The following DRAM1 variants were observed in gnomAD, a reference collection of about 807,000 sequenced individuals.
DRAM1 encodes DNA damage-regulated autophagy modulator protein 1.
Under a neutral mutation model 28.5 loss-of-function variants are expected in DRAM1, and 25 were observed. That is an observed-to-expected ratio of 0.88 (90% CI 0.64 to 1.23). DRAM1 has a LOEUF of 1.23. Among genes scored for constraint, DRAM1 ranks in the 50% most tolerant of loss-of-function variants. The pLI, the probability that DRAM1 is intolerant of heterozygous loss-of-function variation, is 0.00. For missense variants in DRAM1, 249 were observed against 299.2 expected (o/e 0.83, Z 1.24); for synonymous variants, 113 against 114.2 (o/e 0.99, Z 0.07).
At chr12:101,881,783 A>G (rs1872695256) in intron 1 of DRAM1, among the ~76,000 whole-genome samples, 1 of 152,162 alleles carries the variant, frequency 6.6e-6, no homozygotes, top group African/African-American at 2.4e-5. Context: ...GCACCTGACC[A>G]CTACTGGTCT....
chr12:101,914,502 A>G (rs1057180175), intron 5 of DRAM1, among the ~76,000 whole-genome samples: 12 of 107,002 alleles, frequency 1.1e-4, no homozygotes, highest in African/African-American at 5.7e-4. Context: ...TTTTTTTTTG[A>G]GACAGAGTCT....
chr12:101,901,393 T>G lies in DRAM1; in HGVS notation c.302T>G (p.Leu101Trp), dbSNP rs766184945. The G allele has an allele frequency of 1.4e-5, 22 of 1,614,000 alleles. No individual in the cohort carries two copies. The highest frequency in any genetic ancestry group is 1.8e-5 in the Non-Finnish European group (21 of 1,180,022). Reference sequence around the variant, plus strand: ...AACTTGGTGTCTTTAGTGCTTGGATTGGTGGGATGTTTCGGAATGGGCATT... The same window carrying G: ...AACTTGGTGTCTTTAGTGCTTGGATGGGTGGGATGTTTCGGAATGGGCATT... ...VFNLVSLVLG[L>W]VGCFGMGIVA... Residue 101 changes from leucine (L) to tryptophan (W), a missense_variant, in exon 3 of 7, where the codon TTG (leucine) becomes TGG (tryptophan). By Grantham distance (61) the Leu-to-Trp change is moderately conservative (BLOSUM62 -2). Coordinates refer to ENST00000258534, the MANE Select transcript of DRAM1 (RefSeq NM_018370.3).
chr12:101,892,414 T>TAC (rs1218105452), intron 1 of DRAM1, among the ~76,000 whole-genome samples: 2,356 of 85,892 alleles, frequency 0.027, 65 homozygotes, highest in African/African-American at 0.12. Context: ...TTTTTTTTTT[T>TAC]TTTTTTTTTT....
At chr12:101,880,983 TTTGC>T (rs1163713930) in intron 1 of DRAM1, among the ~76,000 whole-genome samples, 40 of 152,184 alleles carry the variant, frequency 2.6e-4, no homozygotes, top group African/African-American at 9.4e-4. Context: ...TTTTAGGTTG[TTTGC>T]TCTCTGCTTA....
intron 5 of DRAM1, among the ~76,000 whole-genome samples, chr12:101,916,017 G>A (rs1874231039): frequency 2.0e-5 from 3 of 152,250 alleles, no homozygotes; most frequent in South Asian, 4.1e-4. Flanking sequence ...TCTGATGGGT[G>A]TTGGCAAATG....
In DRAM1 at chr12:101,913,236, C is replaced by T. The variant is rs536252285; in HGVS notation, c.521-938C>T. ...GTCATCCCTGAAGTCTGATATGGGG[C>T]GAATCTCTTTGATTTGCCAGATCTT... On this transcript the variant is annotated intron_variant, in intron 4 of 6. Coordinates refer to ENST00000258534, the MANE Select transcript of DRAM1 (RefSeq NM_018370.3). 1.4e-4 allele frequency among the ~76,000 whole-genome samples: 21 copies of T among 152,142 alleles called. No homozygotes were observed. In the South Asian group the frequency reaches 4.4e-3, roughly 32 times the overall value.
chr12:101,919,041 C>A (rs1874366724), intron 5 of DRAM1, among the ~76,000 whole-genome samples: 1 of 151,950 alleles, frequency 6.6e-6, no homozygotes, highest in South Asian at 2.1e-4. Flanking sequence ...CCCAGTTCAG[C>A]CTCCCAAGTA....
rs1463670136 is a variant in DRAM1, at chr12:101,923,138, C to A, written c.*1878C>A. On this transcript the variant is annotated 3_prime_UTR_variant, in exon 7 of 7. Coordinates refer to ENST00000258534, the MANE Select transcript of DRAM1 (RefSeq NM_018370.3). Reference sequence around the variant, plus strand: ...TGAATAAAGAGAATGCTAATCATTTCTGGGTTCACTGCGACTCACTGTAGT... The same window carrying A: ...TGAATAAAGAGAATGCTAATCATTTATGGGTTCACTGCGACTCACTGTAGT... 6.6e-6 allele frequency: 1 copy of A among 152,146 alleles called. No homozygotes were observed. The highest frequency in any genetic ancestry group is 2.4e-5 in the African/African-American group (1 of 41,394). The allele number at this position is 152,146 out of a possible 1,614,324, so 9.4% of individuals were successfully genotyped here. A position where few individuals can be genotyped will look rare whatever the true frequency, so the allele number is the denominator to read the frequency against.
chr12:101,883,296 T>G (rs1872752280), intron 1 of DRAM1, among the ~76,000 whole-genome samples: 1 of 134,170 alleles, frequency 7.5e-6, no homozygotes, highest in Non-Finnish European at 1.5e-5. Context: ...TTTTTTGTTT[T>G]ATTTTTTACC....
chr12:101,883,713 G>A (rs1160595361), intron 1 of DRAM1, among the ~76,000 whole-genome samples: 6 of 150,202 alleles, frequency 4.0e-5, no homozygotes, highest in East Asian at 2.0e-4. Context: ...CAAAGCAGGC[G>A]GATCACGAGG....
chr12:101,878,047 A>G (rs1339235743), intron 1 of DRAM1, 127 bp downstream of exon 1: 2 of 1,261,752 alleles, frequency 1.6e-6, no homozygotes, highest in Non-Finnish European at 2.0e-6. Flanking sequence ...AGGTGGGAGC[A>G]GGAGGAGAGG....
chr12:101,919,819 A>T (rs1874408084), intron 5 of DRAM1, among the ~76,000 whole-genome samples: 1 of 152,210 alleles, frequency 6.6e-6, no homozygotes. Flanking sequence ...TTTGCTTCCC[A>T]GTCTCAGCCA....
chr12:101,894,519 T>A (rs1380339698), intron 1 of DRAM1, among the ~76,000 whole-genome samples: 1 of 152,214 alleles, frequency 6.6e-6, no homozygotes, highest in Non-Finnish European at 1.5e-5. Context: ...CCCAAAATGC[T>A]GGGATTACAG....
intron 3 of DRAM1, among the ~76,000 whole-genome samples, chr12:101,907,576 T>TA (rs1873869845): frequency 1.3e-5 from 2 of 151,328 alleles, no homozygotes; most frequent in South Asian, 2.1e-4. Flanking sequence ...CCGTCTCTAC[T>TA]AAAAATACAA....
At chr12:101,906,651 C>T (rs747028705) in intron 3 of DRAM1, among the ~76,000 whole-genome samples, 3 of 151,792 alleles carry the variant, frequency 2.0e-5, no homozygotes, top group Non-Finnish European at 4.4e-5. Context: ...GTCATAAGTT[C>T]GAGACCAGCC....
intron 1 of DRAM1, among the ~76,000 whole-genome samples, chr12:101,878,167 A>G (rs1183852211): frequency 2.6e-5 from 4 of 152,076 alleles, no homozygotes; most frequent in Non-Finnish European, 5.9e-5. Context: ...TTCAGGATAG[A>G]TGGTAGAGCT....
In DRAM1 at chr12:101,889,813, G is replaced by A. The variant is rs536789025; in HGVS notation, c.132-8050G>A. Among the ~76,000 whole-genome samples the A allele has an allele frequency of 9.2e-5, 14 of 151,906 alleles. 1 individual carries two copies. In the Middle Eastern group the frequency reaches 0.01, roughly 111 times the overall value. Reference sequence around the variant, plus strand: ...AAATTAGCCATGCATGGTGGTGGGTGCCTGTAATCCCAGCTACTTGGGAGG... The same window carrying A: ...AAATTAGCCATGCATGGTGGTGGGTACCTGTAATCCCAGCTACTTGGGAGG... On this transcript the variant is annotated intron_variant, in intron 1 of 6. Coordinates refer to ENST00000258534, the MANE Select transcript of DRAM1 (RefSeq NM_018370.3).
intron 4 of DRAM1, among the ~76,000 whole-genome samples, chr12:101,909,209 C>T (rs1386241820): frequency 2.0e-5 from 3 of 150,762 alleles, no homozygotes; most frequent in African/African-American, 4.9e-5. Flanking sequence ...TGCAGTGAGC[C>T]GAGATCACAC....
At chr12:101,915,269 G>A (rs536557827) in intron 5 of DRAM1, among the ~76,000 whole-genome samples, 2 of 151,984 alleles carry the variant, frequency 1.3e-5, no homozygotes, top group East Asian at 1.9e-4. Context: ...GTGAGCCACC[G>A]CACCTGGCCT....
Sources: gnomAD v4.1 joint callset for allele counts (sites outside exome capture counted in the v4.1 genomes callset) on GRCh38, gnomAD v4.1.1 for gene constraint, MANE v1.5 for transcripts, NCBI Gene and HGNC (gene_info 2026-07-23, HGNC 2026-07-21) for gene names.